The following PTPRD variants were observed in gnomAD, a reference collection of about 807,000 sequenced individuals.
PTPRD encodes protein tyrosine phosphatase receptor type D.
PTPRD carries 34 observed loss-of-function variants against 214.5 expected under a neutral mutation model. The ratio of observed to expected loss-of-function variants is 0.16; its 90% CI spans 0.12 to 0.21. PTPRD has a LOEUF of 0.21. Among genes scored for constraint, PTPRD ranks in the 10% least tolerant of loss-of-function variants. The probability of loss-of-function intolerance (pLI) is 1.00; values close to 1 mark genes in which losing one functional copy is unlikely to be tolerated. For missense variants in PTPRD, 2,545 were observed against 2,398.7 expected, an observed-to-expected ratio of 1.06 and a Z score of -1.27; for synonymous variants, 1,128 against 845.7, an observed-to-expected ratio of 1.33 and a Z score of -5.79.
chr9:10,093,034 T>A (rs1171057478), intron 3 of PTPRD, among the ~76,000 whole-genome samples: 1 of 151,446 alleles, frequency 6.6e-6, no homozygotes, highest in Non-Finnish European at 1.5e-5. Context: ...GTCTCAACAT[T>A]GGCTTTGGCA....
chr9:9,808,619 C>T (rs1030758052), intron 5 of PTPRD, among the ~76,000 whole-genome samples: 3 of 152,086 alleles, frequency 2.0e-5, no homozygotes, highest in Admixed American at 2.0e-4. Context: ...CTTTAACTTG[C>T]TTATCCCATT....
intron 9 of PTPRD, among the ~76,000 whole-genome samples, chr9:9,260,246 C>G (rs1449968407): frequency 6.6e-6 from 1 of 151,798 alleles, no homozygotes; most frequent in African/African-American, 2.4e-5. Context: ...ACTCCATCAG[C>G]TAAAGCCCTG....
intron 11 of PTPRD, among the ~76,000 whole-genome samples, chr9:8,841,502 T>C (rs914366225): frequency 6.6e-6 from 1 of 151,956 alleles, no homozygotes; most frequent in Non-Finnish European, 1.5e-5. Context: ...AAACATGAGA[T>C]TATTATGTGC....
At chr9:8,956,272 T>C (rs1220290064) in intron 11 of PTPRD, among the ~76,000 whole-genome samples, 3 of 151,762 alleles carry the variant, frequency 2.0e-5, no homozygotes, top group Non-Finnish European at 2.9e-5. Flanking sequence ...CCTCCTGATG[T>C]TTATCCATAT....
At chr9:9,445,955 G>A (rs935200121) in intron 8 of PTPRD, among the ~76,000 whole-genome samples, 1 of 152,144 alleles carries the variant, frequency 6.6e-6, no homozygotes, top group Non-Finnish European at 1.5e-5. Flanking sequence ...TAGACAAAAG[G>A]AAGTGAGAAA....
intron 7 of PTPRD, among the ~76,000 whole-genome samples, chr9:9,659,557 G>A (rs977315897): frequency 5.3e-5 from 8 of 151,892 alleles, no homozygotes; most frequent in Non-Finnish European, 1.0e-4. Context: ...GCATTCCAAA[G>A]TTGAGAATTA....
intron 3 of PTPRD, among the ~76,000 whole-genome samples, chr9:10,130,173 ATTT>A (rs71321226): frequency 6.3e-5 from 9 of 143,836 alleles, no homozygotes; most frequent in South Asian, 2.2e-4. Context: ...ACTCAAATCT[ATTT>A]TTTTTTTTTT....
chr9:8,857,351 G>T (rs1238904883), intron 11 of PTPRD, among the ~76,000 whole-genome samples: 1 of 151,992 alleles, frequency 6.6e-6, no homozygotes, highest in Non-Finnish European at 1.5e-5. Context: ...GAGAGAGCGG[G>T]GGTCGCACAA....
At position 8,691,459 on chromosome 9, in the gene PTPRD, T is replaced by A. The variant is rs1432289174; in HGVS notation, c.64+42321A>T. Among the ~76,000 whole-genome samples, 51 of 147,630 alleles carry A rather than the reference T, an allele frequency of 3.5e-4. No homozygotes were observed. The Admixed American group carries it at 3.5e-3, about 10-fold the overall frequency. ...AGTAATGTCTGTTTTGAACAAGGGA[T>A]AAAGAGAGTAGCAGCAACATACAAA... is the stretch of plus-strand genomic sequence containing the variant. On this transcript the variant is annotated intron_variant, in intron 12 of 45. Coordinates refer to ENST00000381196, the MANE Select transcript of PTPRD (RefSeq NM_002839.4).
intron 9 of PTPRD, among the ~76,000 whole-genome samples, chr9:9,354,144 G>T (rs995900347): frequency 1.4e-4 from 21 of 151,638 alleles, no homozygotes; most frequent in Admixed American, 1.3e-3. Flanking sequence ...AAGTGCAAGA[G>T]CTATTTATAG....
At chr9:8,703,957 G>GT (rs1435045476) in intron 12 of PTPRD, among the ~76,000 whole-genome samples, 2 of 152,032 alleles carry the variant, frequency 1.3e-5, no homozygotes, top group Non-Finnish European at 2.9e-5. Flanking sequence ...ACCCCAACAG[G>GT]TGCTCTTAAC....
chr9:8,925,780 T>G (rs982658889), intron 11 of PTPRD, among the ~76,000 whole-genome samples: 3 of 151,644 alleles, frequency 2.0e-5, no homozygotes, highest in Non-Finnish European at 4.4e-5. Flanking sequence ...TGACACTCAC[T>G]GTTAGAGAAC....
chr9:8,417,247 T>A (rs868638176), intron 35 of PTPRD, among the ~76,000 whole-genome samples: 1 of 152,104 alleles, frequency 6.6e-6, no homozygotes, highest in Middle Eastern at 3.2e-3. Context: ...ATCTTTACTT[T>A]AATAATTGGG....
At chr9:8,402,169 A>G (rs528616145) in intron 36 of PTPRD, among the ~76,000 whole-genome samples, 6 of 152,174 alleles carry the variant, frequency 3.9e-5, no homozygotes, top group Non-Finnish European at 7.3e-5. Flanking sequence ...CATGAACTTC[A>G]ATTAAATGCT....
At chr9:9,042,632 T>C in intron 10 of PTPRD, among the ~76,000 whole-genome samples, 1 of 149,912 alleles carries the variant, frequency 6.7e-6, no homozygotes, top group Admixed American at 6.6e-5. Flanking sequence ...TTTTTTTTTT[T>C]TTGGTCTATT....
intron 2 of PTPRD, among the ~76,000 whole-genome samples, chr9:10,503,205 A>AAAAAAC (rs1555437325): frequency 2.2e-5 from 3 of 134,736 alleles, no homozygotes; most frequent in African/African-American, 9.7e-5. Context: ...AAAAAAAAAA[A>AAAAAAC]AACAAAAAAA....
chr9:9,399,325 A>AGCTTCTCAGATTTTGT (rs1259266542), intron 8 of PTPRD, among the ~76,000 whole-genome samples: 1 of 151,992 alleles, frequency 6.6e-6, no homozygotes, highest in Non-Finnish European at 1.5e-5. Flanking sequence ...TTCAACGTTC[A>AGCTTCTCAGATTTTGT]GCTTCTCAGA....
chr9:10,147,793 T>C (rs996636853), intron 3 of PTPRD, among the ~76,000 whole-genome samples: 2 of 152,106 alleles, frequency 1.3e-5, no homozygotes, highest in Non-Finnish European at 2.9e-5. Flanking sequence ...GGCAAGAGAA[T>C]TGCTTGAACC....
intron 6 of PTPRD, among the ~76,000 whole-genome samples, chr9:9,749,394 T>C (rs1265431339): frequency 6.6e-6 from 1 of 152,158 alleles, no homozygotes; most frequent in Non-Finnish European, 1.5e-5. Context: ...TTGACCTCCA[T>C]TTGTCTGTCT....
Sources: gnomAD v4.1 joint callset for allele counts (sites outside exome capture counted in the v4.1 genomes callset) on GRCh38, gnomAD v4.1.1 for gene constraint, MANE v1.5 for transcripts, NCBI Gene and HGNC (gene_info 2026-07-23, HGNC 2026-07-21) for gene names.